The following EPB41L3 variants were observed in gnomAD, a reference collection of about 807,000 sequenced individuals.
EPB41L3 encodes the protein erythrocyte membrane protein band 4.1 like 3.
In EPB41L3, 57 loss-of-function variants were observed where a neutral mutation model predicts 127.1. The ratio of observed to expected loss-of-function variants is 0.45; its 90% CI spans 0.36 to 0.56. The LOEUF is 0.56. Ranked by LOEUF, EPB41L3 falls within the 20% of genes least tolerant of loss-of-function variation. The pLI is 0.00. For synonymous variants in EPB41L3, 572 were observed against 549.5 expected (o/e 1.04, Z -0.57); for missense variants, 1,273 against 1,372.2 (o/e 0.93, Z 1.14).
rs1275532196 is a variant in EPB41L3 at position 5,543,773 on chromosome 18, T to C, written c.-12+140A>G. On this transcript the variant is annotated intron_variant, in intron 1 of 22. Transcript: ENST00000341928. This position sits in a 1 kb window ranked among gnomAD's most constrained non-coding sequence, Gnocchi z 5.2. ...CCGCGCCGGGCGCGGGGCTCGGGATTCGGGAGACCGCGCGGCGCCGAAGCC... is the reference window on the plus strand; with the variant it reads ...CCGCGCCGGGCGCGGGGCTCGGGATCCGGGAGACCGCGCGGCGCCGAAGCC... 1.5e-6 allele frequency: 1 copy of C among 674,218 alleles called. No individual in the cohort carries two copies. The highest frequency in any genetic ancestry group is 1.8e-6 in the Non-Finnish European group (1 of 547,422). 41.8% of individuals were successfully genotyped at this position (674,218 alleles called of 1,614,324 possible). A position where few individuals can be genotyped will look rare whatever the true frequency, so the allele number is the denominator to read the frequency against.
Position 5,433,967 on chromosome 18 carries a change from G to A in EPB41L3, c.760C>T (p.Arg254Cys), listed in dbSNP as rs374307563. The A allele has an allele frequency of 7.2e-5, 116 of 1,614,018 alleles. No homozygotes were observed. Among genetic ancestry groups the A allele is most frequent in the South Asian group, 1.5e-4 (14 of 91,084 alleles). ...ECGSDYISEF[R>C]FAPNHTKELE... ...TCTTTAGTGTGGTTTGGTGCAAAGC[G>A]GAACTCACTAATGTAATCGCTCCCA... The change falls in exon 7 of 23, where the codon CGC (arginine) becomes TGC (cysteine). Residue 254 changes from arginine (R) to cysteine (C), a missense_variant. Transcript: ENST00000341928.
chr18:5,617,000 G>A (rs1308415966), intron 1 of EPB41L3, among the ~76,000 whole-genome samples: 1 of 152,166 alleles, frequency 6.6e-6, no homozygotes, highest in Non-Finnish European at 1.5e-5. Context: ...CAAAACTCCT[G>A]TGTTGGACAG....
intron 1 of EPB41L3, among the ~76,000 whole-genome samples, chr18:5,507,952 C>G (rs1231507347): frequency 1.3e-5 from 2 of 152,182 alleles, no homozygotes; most frequent in African/African-American, 2.4e-5. Flanking sequence ...CTTTTGTGCA[C>G]TTGTCATTTC....
upstream of EPB41L3, among the ~76,000 whole-genome samples, chr18:5,629,880 GCA>G (rs1292394502): frequency 2.0e-5 from 3 of 152,178 alleles, no homozygotes; most frequent in Non-Finnish European, 4.4e-5. Context: ...GCTGGCAAAA[GCA>G]CAGAGTCTCG....
chr18:5,408,290 T>C (rs1244606168), intron 14 of EPB41L3, among the ~76,000 whole-genome samples: 1 of 150,806 alleles, frequency 6.6e-6, no homozygotes, highest in African/African-American at 2.4e-5. Flanking sequence ...TTTTTTTTTT[T>C]TGAGACAGAG....
intron 3 of EPB41L3, among the ~76,000 whole-genome samples, chr18:5,455,123 A>G (rs1245806979): frequency 6.6e-6 from 1 of 152,206 alleles, no homozygotes. Context: ...TGCCTAACTC[A>G]TGGGAAGCAT....
At chr18:5,440,852 T>C (rs919177890) in intron 5 of EPB41L3, among the ~76,000 whole-genome samples, 3 of 152,120 alleles carry the variant, frequency 2.0e-5, no homozygotes, top group Admixed American at 6.5e-5. Flanking sequence ...GGAATAAGAA[T>C]TTTTTTCATA....
At chr18:5,440,164 G>A (rs938054903) in intron 5 of EPB41L3, among the ~76,000 whole-genome samples, 3 of 152,078 alleles carry the variant, frequency 2.0e-5, no homozygotes, top group African/African-American at 4.8e-5. Flanking sequence ...CCTAGGAATC[G>A]ATGGCTTGAA....
intron 1 of EPB41L3, among the ~76,000 whole-genome samples, chr18:5,624,730 C>T (rs1306833893): frequency 6.6e-6 from 1 of 152,214 alleles, no homozygotes; most frequent in Non-Finnish European, 1.5e-5. Flanking sequence ...GGAGCCCCCA[C>T]TCCGGACAAA....
chr18:5,493,741 G>A (rs963955286), intron 1 of EPB41L3, among the ~76,000 whole-genome samples: 7 of 152,012 alleles, frequency 4.6e-5, no homozygotes, highest in Non-Finnish European at 4.4e-5. Context: ...TTCTCATGCT[G>A]TCACCACATC....
At chr18:5,577,780 T>A (rs1017705914) in intron 3 of EPB41L3, 3 of 153,602 alleles carry the variant, frequency 2.0e-5, no homozygotes, top group African/African-American at 7.2e-5. Context: ...AGTTTAGTTA[T>A]GTATATATTG....
At chr18:5,618,240 AG>A in intron 1 of EPB41L3, among the ~76,000 whole-genome samples, 1 of 152,256 alleles carries the variant, frequency 6.6e-6, no homozygotes, top group Non-Finnish European at 1.5e-5. Context: ...AGGCTAAAAA[AG>A]CCAGAGACTG....
At chr18:5,399,172 T>A in intron 16 of EPB41L3, 1 of 398,982 alleles carries the variant, frequency 2.5e-6, no homozygotes. Context: ...TTTCCTAGAG[T>A]GTATATTTTC....
At chr18:5,424,439 T>C (rs537579663) in intron 9 of EPB41L3, 80 bp from the exon 10 acceptor site, 162 of 1,130,112 alleles carry the variant, frequency 1.4e-4, no homozygotes, top group Non-Finnish European at 1.9e-4. Flanking sequence ...TACAGAATCA[T>C]GATGCCACCA....
At chr18:5,466,176 T>C (rs1030752066) in intron 3 of EPB41L3, 1 of 152,162 alleles carries the variant, frequency 6.6e-6, no homozygotes, top group Non-Finnish European at 1.5e-5. Flanking sequence ...ATTAACAATA[T>C]CATAAAAATA....
At chr18:5,629,415 CCA>C (rs61034629), upstream of EPB41L3, among the ~76,000 whole-genome samples, 10,527 of 143,720 alleles carry the variant, frequency 0.073, 395 homozygotes, top group Non-Finnish European at 0.076. Flanking sequence ...TCCTTACACA[CCA>C]CACACACACA....
chr18:5,572,628 C>T (rs1181037193), intron 3 of EPB41L3, among the ~76,000 whole-genome samples: 1 of 152,106 alleles, frequency 6.6e-6, no homozygotes, highest in East Asian at 1.9e-4. Context: ...GGCTGCAGTG[C>T]AATGGTGTCA....
At position 5,423,550 on chromosome 18, in the gene EPB41L3, T is replaced by C. The variant is rs746484243; in HGVS notation, c.1167A>G (p.Leu389=). 1.5e-5 allele frequency: 24 copies of C among 1,602,822 alleles called. No individual in the cohort carries two copies. In the East Asian group the frequency reaches 3.8e-4, roughly 25 times the overall value. Residue 389 remains leucine, a synonymous_variant, in exon 11 of 23, where the codon CTA becomes CTG. Transcript: ENST00000341928. The stretch of plus-strand genomic sequence containing the variant: ...TCTTGGGAGGTGCTTCTGGTAACAG[T>C]AGTCTAAAGAGAATAAAGAAAAACA... ...VCVEHHTFFR[L]LLPEAPPKKF... is the part of the protein sequence containing the mutation.
chr18:5,454,372 A>G (rs1321567876), intron 3 of EPB41L3, among the ~76,000 whole-genome samples: 5 of 152,102 alleles, frequency 3.3e-5, no homozygotes, highest in African/African-American at 4.8e-5. Context: ...GGCACCAGCT[A>G]TCCTATGTGA....
Sources: gnomAD v4.1 joint callset for allele counts (sites outside exome capture counted in the v4.1 genomes callset) on GRCh38, gnomAD v4.1.1 for gene constraint, Gnocchi (gnomAD v3.1) non-coding constraint, MANE v1.5 for transcripts, NCBI Gene and HGNC (gene_info 2026-07-23, HGNC 2026-07-21) for gene names.